Variants in KIAA1328 observed in about 807,000 individuals in gnomAD.
The protein encoded by KIAA1328 is KIAA1328, also known as protein hinderin.
KIAA1328 carries 52 observed loss-of-function variants against 68.1 expected under a neutral mutation model. That is an observed-to-expected ratio of 0.76 (90% CI 0.61 to 0.96). KIAA1328 has a LOEUF of 0.96. KIAA1328 is among the 40% of genes least tolerant of loss of function. KIAA1328 has a pLI of 0.00. For synonymous variants in KIAA1328, 232 were observed against 239.4 expected (o/e 0.97, Z 0.28); for missense variants, 641 against 677.6 (o/e 0.95, Z 0.60).
At chr18:37,108,742 C>T (rs1336194801) in intron 7 of KIAA1328, among the ~76,000 whole-genome samples, 1 of 152,054 alleles carries the variant, frequency 6.6e-6, no homozygotes, top group Non-Finnish European at 1.5e-5. Context: ...ACTTCTTTAC[C>T]CTTGCCACAG....
intron 6 of KIAA1328, among the ~76,000 whole-genome samples, chr18:36,973,820 C>CACACAT (rs973918213): frequency 1.0e-4 from 11 of 105,928 alleles, no homozygotes; most frequent in Non-Finnish European, 2.0e-4. Flanking sequence ...CATACACACA[C>CACACAT]ACACACACAT....
chr18:36,927,325 T>C (rs1568174222), intron 5 of KIAA1328, among the ~76,000 whole-genome samples: 1 of 152,202 alleles, frequency 6.6e-6, no homozygotes, highest in Non-Finnish European at 1.5e-5. Flanking sequence ...TCTAAAATGA[T>C]TCTAAAATAA....
chr18:37,057,126 T>A (rs182003668), intron 6 of KIAA1328, among the ~76,000 whole-genome samples: 58 of 152,332 alleles, frequency 3.8e-4, no homozygotes, highest in Middle Eastern at 3.4e-3. Context: ...TAGAAAAAAA[T>A]GTAAATATGT....
chr18:36,884,458 T>A (rs556684436), intron 4 of KIAA1328, among the ~76,000 whole-genome samples: 1 of 152,212 alleles, frequency 6.6e-6, no homozygotes, highest in Non-Finnish European at 1.5e-5. Flanking sequence ...TGACACAAAT[T>A]ATTTCAAAGA....
intron 7 of KIAA1328, among the ~76,000 whole-genome samples, chr18:37,072,902 GGAT>G: frequency 6.6e-6 from 1 of 152,264 alleles, no homozygotes; most frequent in African/African-American, 2.4e-5. Flanking sequence ...AGTTTGCTGA[GGAT>G]GATGGCTTCC....
intron 7 of KIAA1328, among the ~76,000 whole-genome samples, chr18:37,076,942 C>A: frequency 6.6e-6 from 1 of 152,092 alleles, no homozygotes. Context: ...TGAAACTATT[C>A]CAATCAATAG....
chr18:37,169,689 GAATT>G (rs2154213255), intron 8 of KIAA1328, among the ~76,000 whole-genome samples: 1 of 152,288 alleles, frequency 6.6e-6, no homozygotes, highest in African/African-American at 2.4e-5. Context: ...AGAACTTAGA[GAATT>G]AATAAAAAAG....
At chr18:37,163,135 C>T (rs2059317160) in intron 8 of KIAA1328, among the ~76,000 whole-genome samples, 1 of 152,106 alleles carries the variant, frequency 6.6e-6, no homozygotes, top group Non-Finnish European at 1.5e-5. Flanking sequence ...AGCCTCAAAA[C>T]GTTTTCCACC....
chr18:36,932,402 G>C (rs1385455739), intron 5 of KIAA1328, among the ~76,000 whole-genome samples: 2 of 151,966 alleles, frequency 1.3e-5, no homozygotes, highest in Non-Finnish European at 2.9e-5. Flanking sequence ...GTATTCTTTT[G>C]TAGAGACTGG....
chr18:37,168,521 TA>T (rs1300929020), intron 8 of KIAA1328, among the ~76,000 whole-genome samples: 4 of 152,152 alleles, frequency 2.6e-5, no homozygotes, highest in African/African-American at 9.7e-5. Flanking sequence ...GAATACTACT[TA>T]GCAAAGAAAA....
chr18:36,883,952 G>GTA (rs58707237), intron 4 of KIAA1328, among the ~76,000 whole-genome samples: 2,441 of 120,752 alleles, frequency 0.02, 169 homozygotes, highest in African/African-American at 0.044. Context: ...TATTTATAAA[G>GTA]TATATATATA....
chr18:37,065,707 A>G (rs1057378058), intron 6 of KIAA1328, among the ~76,000 whole-genome samples: 1 of 152,204 alleles, frequency 6.6e-6, no homozygotes, highest in African/African-American at 2.4e-5. Context: ...ACACATTAAT[A>G]TCTTTCATTA....
At chr18:37,170,939 C>A (rs541227424) in intron 8 of KIAA1328, among the ~76,000 whole-genome samples, 1 of 152,216 alleles carries the variant, frequency 6.6e-6, no homozygotes, top group African/African-American at 2.4e-5. Context: ...TTATTACCTA[C>A]AAATGGGCAA....
intron 1 of KIAA1328, among the ~76,000 whole-genome samples, chr18:36,830,266 G>T (rs116161724): frequency 6.6e-6 from 1 of 152,222 alleles, no homozygotes. Context: ...CTCGTGTTTA[G>T]TGTTTGCACT....
intron 6 of KIAA1328, among the ~76,000 whole-genome samples, chr18:36,970,825 T>C (rs763351458): frequency 1.3e-5 from 2 of 152,084 alleles, no homozygotes; most frequent in African/African-American, 4.8e-5. Context: ...GGGAAAACAT[T>C]CCATACTCAT....
At chr18:37,116,680 G>A (rs1468985087) in intron 7 of KIAA1328, among the ~76,000 whole-genome samples, 1 of 152,144 alleles carries the variant, frequency 6.6e-6, no homozygotes, top group Admixed American at 6.5e-5. Context: ...TTAAACTAAA[G>A]AGCTTCTGCA....
chr18:36,951,621 C>G (rs1463256694), intron 5 of KIAA1328, among the ~76,000 whole-genome samples: 1 of 152,134 alleles, frequency 6.6e-6, no homozygotes, highest in Non-Finnish European at 1.5e-5. Context: ...CCAAGTGTCC[C>G]CTCTTCGCTA....
At chr18:36,860,671 C>T (rs2047536320) in intron 4 of KIAA1328, among the ~76,000 whole-genome samples, 1 of 151,744 alleles carries the variant, frequency 6.6e-6, no homozygotes, top group South Asian at 2.1e-4. Context: ...AATTTTAACT[C>T]AGCATAATGT....
chr18:37,206,775 A>G (rs757650028), intron 9 of KIAA1328, among the ~76,000 whole-genome samples: 23 of 152,222 alleles, frequency 1.5e-4, no homozygotes, highest in Non-Finnish European at 3.4e-4. Flanking sequence ...TTTAACTAAG[A>G]TAACCAAGTC....
Sources: gnomAD v4.1 joint callset for allele counts (sites outside exome capture counted in the v4.1 genomes callset) on GRCh38, gnomAD v4.1.1 for gene constraint, MANE v1.5 for transcripts, NCBI Gene and HGNC (gene_info 2026-07-23, HGNC 2026-07-21) for gene names.